Variants in NELL1 observed in about 807,000 individuals in gnomAD.
The protein encoded by NELL1 is neural EGFL like 1, also known as protein kinase C-binding protein NELL1.
NELL1 carries 76 observed loss-of-function variants against 107.4 expected under a neutral mutation model. The ratio of observed to expected loss-of-function variants is 0.71; its 90% CI spans 0.59 to 0.86. The LOEUF (loss-of-function observed/expected upper bound fraction) is 0.86, where lower values mean the gene tolerates loss of function less well. NELL1 is among the 40% of genes least tolerant of loss of function. The pLI, the probability that NELL1 is intolerant of heterozygous loss-of-function variation, is 0.00. For synonymous variants in NELL1, 353 were observed against 341.2 expected (o/e 1.03, Z -0.38); for missense variants, 1,024 against 1,005.5 (o/e 1.02, Z -0.25).
intron 15 of NELL1, among the ~76,000 whole-genome samples, chr11:21,402,962 G>C (rs1852135097): frequency 2.0e-5 from 3 of 151,628 alleles, no homozygotes; most frequent in Admixed American, 2.0e-4. Flanking sequence ...CTTGATATTG[G>C]TCAGTACCTG....
chr11:21,022,297 C>T (rs946500343), intron 12 of NELL1, among the ~76,000 whole-genome samples: 12 of 152,058 alleles, frequency 7.9e-5, no homozygotes, highest in African/African-American at 2.9e-4. Context: ...ACCTGTTGTA[C>T]CACCAAAATT....
chr11:20,842,314 G>T (rs1418901913), intron 3 of NELL1, among the ~76,000 whole-genome samples: 1 of 151,744 alleles, frequency 6.6e-6, no homozygotes. Flanking sequence ...GGAGGTGGAG[G>T]TTGCAGTGAG....
intron 12 of NELL1, among the ~76,000 whole-genome samples, chr11:20,995,850 C>T (rs1852080314): frequency 6.6e-6 from 1 of 152,012 alleles, no homozygotes; most frequent in Non-Finnish European, 1.5e-5. Flanking sequence ...TGGAATGCTA[C>T]GGAATTTAAG....
At chr11:21,319,868 C>T (rs534427839) in intron 14 of NELL1, among the ~76,000 whole-genome samples, 1 of 152,106 alleles carries the variant, frequency 6.6e-6, no homozygotes, top group African/African-American at 2.4e-5. Flanking sequence ...TTAAATCTGT[C>T]AGCCTTATGA....
At chr11:21,267,913 T>A (rs1482801921) in intron 14 of NELL1, among the ~76,000 whole-genome samples, 1 of 152,196 alleles carries the variant, frequency 6.6e-6, no homozygotes, top group Non-Finnish European at 1.5e-5. Flanking sequence ...TGAAATGATT[T>A]TCTCCATTCC....
intron 13 of NELL1, among the ~76,000 whole-genome samples, chr11:21,162,215 C>T (rs1463191131): frequency 1.3e-5 from 2 of 152,062 alleles, no homozygotes; most frequent in East Asian, 1.9e-4. Context: ...TCTCAAAGTG[C>T]TGGGATTACA....
chr11:21,036,121 C>A (rs954618400), intron 12 of NELL1, among the ~76,000 whole-genome samples: 31 of 152,030 alleles, frequency 2.0e-4, no homozygotes, highest in African/African-American at 7.0e-4. Context: ...ATCAGGAATG[C>A]AGTCTTATTC....
intron 3 of NELL1, among the ~76,000 whole-genome samples, chr11:20,843,570 A>T: frequency 6.8e-6 from 1 of 147,506 alleles, no homozygotes; most frequent in South Asian, 2.1e-4. Context: ...CTATATATAA[A>T]ATATAATATA....
At chr11:21,088,446 C>A (rs999282541) in intron 12 of NELL1, among the ~76,000 whole-genome samples, 3 of 152,130 alleles carry the variant, frequency 2.0e-5, no homozygotes, top group African/African-American at 7.2e-5. Flanking sequence ...TGAGTCCAGA[C>A]TCAAACCTGC....
chr11:20,941,017 T>C (rs1418451134), intron 10 of NELL1, among the ~76,000 whole-genome samples: 2 of 152,124 alleles, frequency 1.3e-5, no homozygotes, highest in Non-Finnish European at 2.9e-5. Context: ...TGCATGCCTG[T>C]AATCCCAGCT....
chr11:20,774,231 T>A (rs1856703263), intron 2 of NELL1, among the ~76,000 whole-genome samples: 1 of 106,880 alleles, frequency 9.4e-6, no homozygotes, highest in African/African-American at 3.7e-5. Context: ...CTTCCCTTCC[T>A]TCCTTCCTTT....
At chr11:21,077,901 T>C (rs1363276859) in intron 12 of NELL1, among the ~76,000 whole-genome samples, 1 of 152,098 alleles carries the variant, frequency 6.6e-6, no homozygotes, top group Non-Finnish European at 1.5e-5. Flanking sequence ...AGGTAGCAGG[T>C]AAGATACAAC....
intron 12 of NELL1, among the ~76,000 whole-genome samples, chr11:21,001,833 G>A (rs1590524616): frequency 6.6e-6 from 1 of 151,608 alleles, no homozygotes; most frequent in Non-Finnish European, 1.5e-5. Context: ...ATTTCCTGGA[G>A]CTAGGGGAAG....
intron 13 of NELL1, among the ~76,000 whole-genome samples, chr11:21,196,594 T>C (rs1455753091): frequency 6.6e-6 from 1 of 152,102 alleles, no homozygotes; most frequent in Non-Finnish European, 1.5e-5. Context: ...CAGGCCTCTC[T>C]ATCTATTTTA....
At chr11:21,407,460 C>T (rs1334498520) in intron 15 of NELL1, among the ~76,000 whole-genome samples, 9 of 151,874 alleles carry the variant, frequency 5.9e-5, no homozygotes, top group African/African-American at 1.7e-4. Context: ...CTAACATTAG[C>T]TCACCTCTCA....
At chr11:21,197,182 T>G (rs1339334255) in intron 13 of NELL1, among the ~76,000 whole-genome samples, 1 of 151,054 alleles carries the variant, frequency 6.6e-6, no homozygotes, top group Non-Finnish European at 1.5e-5. Context: ...CAACCGGTCT[T>G]ATTTAATTCT....
chr11:20,786,034 A>AT (rs758634001), intron 3 of NELL1, among the ~76,000 whole-genome samples: 5,529 of 104,130 alleles, frequency 0.053, 167 homozygotes, highest in African/African-American at 0.076. Context: ...AAAACTTCAG[A>AT]ATTTTTTTTT....
At chr11:20,756,882 C>T (rs1050075792) in intron 2 of NELL1, among the ~76,000 whole-genome samples, 12 of 152,172 alleles carry the variant, frequency 7.9e-5, no homozygotes, top group South Asian at 4.2e-4. Flanking sequence ...ATGCATTTTA[C>T]GAGGAAAATT....
chr11:20,796,083 C>T (rs1857163725), intron 3 of NELL1, among the ~76,000 whole-genome samples: 1 of 152,116 alleles, frequency 6.6e-6, no homozygotes, highest in African/African-American at 2.4e-5. Context: ...ATTTTTCTTC[C>T]TGTCCTCATG....
Sources: allele counts gnomAD v4.1 joint callset (sites outside exome capture counted in the v4.1 genomes callset), GRCh38; gene constraint gnomAD v4.1.1; transcripts MANE v1.5; gene names NCBI Gene and HGNC (gene_info 2026-07-23, HGNC 2026-07-21).